The following ADAMTS19 variants were observed in gnomAD, a reference collection of about 807,000 sequenced individuals.
ADAMTS19 encodes ADAM metallopeptidase with thrombospondin type 1 motif 19.
ADAMTS19 carries 93 observed loss-of-function variants against 153.3 expected under a neutral mutation model. That is an observed-to-expected ratio of 0.61 (90% CI 0.51 to 0.72). ADAMTS19 has a LOEUF of 0.72. ADAMTS19 is among the 30% of genes least tolerant of loss of function. ADAMTS19 has a pLI of 0.00. For synonymous variants in ADAMTS19, 600 were observed against 556.6 expected (o/e 1.08, Z -1.10); for missense variants, 1,482 against 1,552.1 (o/e 0.95, Z 0.76).
At chr5:129,545,078 C>A (rs1752805726) in intron 6 of ADAMTS19, among the ~76,000 whole-genome samples, 1 of 151,602 alleles carries the variant, frequency 6.6e-6, no homozygotes, top group African/African-American at 2.4e-5. Context: ...TTGTAAGAAC[C>A]CAGAGGCATA....
In ADAMTS19 at chr5:129,684,112, T is replaced by C. The variant is rs754362112; in HGVS notation, c.2665-8T>C. ...CCCATCTGCCTTGATCATTTTTGTA[T>C]ACTATAGGTGCTCCTGTTTCAGGAT... On this transcript the variant is annotated splice_polypyrimidine_tract_variant and splice_region_variant and intron_variant, in intron 17 of 22. Transcript: ENST00000274487. 5.0e-6 allele frequency: 8 copies of C among 1,611,030 alleles called. No individual in the cohort carries two copies. The South Asian group carries it at 8.8e-5, about 18-fold the overall frequency.
intron 18 of ADAMTS19, among the ~76,000 whole-genome samples, chr5:129,689,617 G>T (rs1271598488): frequency 6.6e-6 from 1 of 151,890 alleles, no homozygotes; most frequent in Non-Finnish European, 1.5e-5. Flanking sequence ...AGTAGAGACT[G>T]GGTTTCACCA....
chr5:129,627,750 C>G (rs1458904998), intron 10 of ADAMTS19, among the ~76,000 whole-genome samples: 1 of 152,074 alleles, frequency 6.6e-6, no homozygotes, highest in Non-Finnish European at 1.5e-5. Flanking sequence ...GATAACATCT[C>G]ACACCAGTCA....
At chr5:129,476,317 A>T (rs1750225278) in intron 2 of ADAMTS19, among the ~76,000 whole-genome samples, 1 of 152,214 alleles carries the variant, frequency 6.6e-6, no homozygotes, top group African/African-American at 2.4e-5. Flanking sequence ...GCATACAAAT[A>T]AGGAATACAA....
chr5:129,558,202 C>A (rs1220389013), intron 7 of ADAMTS19, among the ~76,000 whole-genome samples: 7 of 152,012 alleles, frequency 4.6e-5, no homozygotes, highest in Non-Finnish European at 1.0e-4. Flanking sequence ...TCTGCTACCA[C>A]CACTTCTATT....
At chr5:129,648,483 A>C (rs1326456557) in intron 12 of ADAMTS19, among the ~76,000 whole-genome samples, 1 of 152,038 alleles carries the variant, frequency 6.6e-6, no homozygotes, top group Non-Finnish European at 1.5e-5. Context: ...TAAGAACCAA[A>C]TTTCTTAATG....
chr5:129,667,998 T>C (rs1754129458), intron 16 of ADAMTS19, among the ~76,000 whole-genome samples: 3 of 152,174 alleles, frequency 2.0e-5, no homozygotes, highest in African/African-American at 4.8e-5. Flanking sequence ...CCCTCATAGT[T>C]CTGTAGGCCA....
intron 14 of ADAMTS19, among the ~76,000 whole-genome samples, chr5:129,658,377 G>GAGA (rs1318590344): frequency 1.3e-5 from 2 of 148,280 alleles, no homozygotes; most frequent in African/African-American, 2.6e-5. Flanking sequence ...AAGAGAGAGA[G>GAGA]GAAGGAAGGA....
chr5:129,674,183 A>G (rs1384324001), intron 16 of ADAMTS19, among the ~76,000 whole-genome samples: 6 of 152,100 alleles, frequency 3.9e-5, no homozygotes, highest in African/African-American at 1.4e-4. Flanking sequence ...ATGAACTGAG[A>G]TCACACTATT....
At chr5:129,658,351 A>AAGAAAGAAAGAGAGAGAGAGAG (rs1561632431) in intron 14 of ADAMTS19, among the ~76,000 whole-genome samples, 48 of 133,166 alleles carry the variant, frequency 3.6e-4, no homozygotes, top group Non-Finnish European at 5.6e-4. Flanking sequence ...GAAAGAAAGA[A>AAGAAAGAAAGAGAGAGAGAGAG]AGAAAGAAAG....
chr5:129,730,621 CTA>C (rs761425965), intron 21 of ADAMTS19, among the ~76,000 whole-genome samples: 1 of 152,056 alleles, frequency 6.6e-6, no homozygotes, highest in Non-Finnish European at 1.5e-5. Context: ...TACAAAGGGT[CTA>C]TGTTAAATAC....
chr5:129,619,312 A>ACTT (rs1323766898), intron 8 of ADAMTS19, among the ~76,000 whole-genome samples: 2 of 152,066 alleles, frequency 1.3e-5, no homozygotes, highest in African/African-American at 4.8e-5. Context: ...TGGACAAGTT[A>ACTT]CTTCTCATCT....
chr5:129,511,354 G>T (rs1390317872), intron 3 of ADAMTS19, among the ~76,000 whole-genome samples: 1 of 151,758 alleles, frequency 6.6e-6, no homozygotes, highest in Non-Finnish European at 1.5e-5. Flanking sequence ...ATGTAAAGGA[G>T]GGGAAAGCAC....
chr5:129,535,483 T>A (rs1581052383), intron 6 of ADAMTS19, among the ~76,000 whole-genome samples: 1 of 152,154 alleles, frequency 6.6e-6, no homozygotes, highest in African/African-American at 2.4e-5. Context: ...ATGGCCATAC[T>A]GCCCAAGGTA....
At chr5:129,565,673 A>G (rs1360177747) in intron 7 of ADAMTS19, among the ~76,000 whole-genome samples, 2 of 152,156 alleles carry the variant, frequency 1.3e-5, no homozygotes, top group African/African-American at 4.8e-5. Context: ...TAACCTAAAA[A>G]GTTTCCTATT....
rs1164727365 is a variant in ADAMTS19 at position 129,522,328 on chromosome 5, C to T, written c.914-3956C>T. Among the ~76,000 whole-genome samples the T allele has an allele frequency of 1.5e-3, 135 of 88,106 alleles. 2 individuals carry two copies. The highest frequency in any genetic ancestry group is 7.0e-3 in the African/African-American group (121 of 17,294). 57.8% of individuals were successfully genotyped at this position (88,106 alleles called of 152,430 possible). ...ATATATATATATATACACACACACA[C>T]ACACATATATATATATATATATATA... is the stretch of plus-strand genomic sequence containing the variant. On this transcript the variant is annotated intron_variant, in intron 3 of 22. Coordinates refer to ENST00000274487, the MANE Select transcript of ADAMTS19 (RefSeq NM_133638.6).
At chr5:129,508,605 T>G (rs1358732604) in intron 2 of ADAMTS19, among the ~76,000 whole-genome samples, 3 of 152,046 alleles carry the variant, frequency 2.0e-5, no homozygotes, top group Non-Finnish European at 4.4e-5. Flanking sequence ...TTTAAGGATA[T>G]TTTATATATT....
At chr5:129,729,460 A>T (rs1480768112) in intron 21 of ADAMTS19, among the ~76,000 whole-genome samples, 1 of 151,882 alleles carries the variant, frequency 6.6e-6, no homozygotes, top group Non-Finnish European at 1.5e-5. Context: ...TAAGAACTTG[A>T]TATTTTATTA....
chr5:129,489,095 T>G (rs1359572074), intron 2 of ADAMTS19, among the ~76,000 whole-genome samples: 1 of 152,116 alleles, frequency 6.6e-6, no homozygotes, highest in Non-Finnish European at 1.5e-5. Context: ...TTCCTGAGAT[T>G]GCTTGTTTTT....
Sources: gnomAD v4.1 joint callset for allele counts (sites outside exome capture counted in the v4.1 genomes callset) on GRCh38, gnomAD v4.1.1 for gene constraint, MANE v1.5 for transcripts, NCBI Gene and HGNC (gene_info 2026-07-23, HGNC 2026-07-21) for gene names.